Variants in BLTP1 observed in about 807,000 individuals in gnomAD.
The protein encoded by BLTP1 is bridge-like lipid transfer protein family member 1, also known as fragile site-associated protein.
the BLTP1 span, chr4:122,362,603 G>A: frequency 1.2e-5 from 2 of 169,124 alleles, no homozygotes; most frequent in African/African-American, 2.4e-5. Context: ...TGATGATAAT[G>A]TGATTTTGGG....
chr4:122,261,246 C>G, the BLTP1 span: 2 of 974,528 alleles, frequency 2.1e-6, no homozygotes, highest in African/African-American at 3.5e-5. Flanking sequence ...GCTTGGGACA[C>G]TTTAATCTGT....
the BLTP1 span, among the ~76,000 whole-genome samples, chr4:122,330,122 G>A: frequency 2.6e-5 from 4 of 151,504 alleles, no homozygotes; most frequent in Non-Finnish European, 5.9e-5. Flanking sequence ...TAATTCATTT[G>A]TCTGTCAATG....
chr4:122,287,844 C>T, the BLTP1 span: 1,479 of 338,374 alleles, frequency 4.4e-3, 5 homozygotes, highest in Middle Eastern at 0.012. Context: ...TAAAGTGTAT[C>T]CCACTTGTAC....
chr4:122,184,150 A>G, the BLTP1 span, among the ~76,000 whole-genome samples: 1 of 152,214 alleles, frequency 6.6e-6, no homozygotes, highest in African/African-American at 2.4e-5. Context: ...AACAAACTAG[A>G]TAGACTTTAT....
the BLTP1 span, chr4:122,238,180 A>T: frequency 6.2e-7 from 1 of 1,614,078 alleles, no homozygotes; most frequent in Non-Finnish European, 8.5e-7. Flanking sequence ...TTAGTCTTCA[A>T]GTACCATTAC....
At chr4:122,352,796 C>A in the BLTP1 span, 1 of 1,368,242 alleles carries the variant, frequency 7.3e-7, no homozygotes, top group Non-Finnish European at 1.0e-6. Flanking sequence ...ACACTGTTTT[C>A]ATCCCTCACC....
chr4:122,347,299 T>C, the BLTP1 span: 1 of 929,046 alleles, frequency 1.1e-6, no homozygotes, highest in Non-Finnish European at 1.3e-6. Context: ...TTCCCTCACC[T>C]GTAAACTGAG....
the BLTP1 span, chr4:122,247,868 T>G: frequency 1.1e-5 from 11 of 978,436 alleles, no homozygotes; most frequent in African/African-American, 1.7e-5. Context: ...TATTTTTGAT[T>G]CTTATTTAGC....
the BLTP1 span, chr4:122,325,293 T>G: frequency 6.2e-7 from 1 of 1,609,102 alleles, no homozygotes; most frequent in Non-Finnish European, 8.5e-7. Context: ...CTCCTGGACC[T>G]AGAGTAACTT....
the BLTP1 span, chr4:122,243,596 CA>C: frequency 8.1e-6 from 3 of 372,106 alleles, no homozygotes; most frequent in Non-Finnish European, 1.1e-5. Context: ...ACAAAAAATA[CA>C]AAAAAATTAG....
At chr4:122,199,424 A>C in the BLTP1 span, 1 of 1,613,404 alleles carries the variant, frequency 6.2e-7, no homozygotes, top group African/African-American at 1.3e-5. Context: ...GCAATATCGG[A>C]CCCTTTTAGA....
At chr4:122,244,927 T>G in the BLTP1 span, 6 of 1,426,376 alleles carry the variant, frequency 4.2e-6, no homozygotes, top group Non-Finnish European at 5.7e-6. Context: ...TTGTACATAT[T>G]CAGATGGTGC....
chr4:122,188,595 A>G, the BLTP1 span, among the ~76,000 whole-genome samples: 1 of 150,650 alleles, frequency 6.6e-6, no homozygotes, highest in East Asian at 1.9e-4. Flanking sequence ...TCAGTTTTCC[A>G]TCTAGCTTTC....
chr4:122,245,721 G>C, the BLTP1 span, among the ~76,000 whole-genome samples: 1 of 152,072 alleles, frequency 6.6e-6, no homozygotes, highest in Non-Finnish European at 1.5e-5. Context: ...AGATGAAAGT[G>C]AGACTGATTA....
the BLTP1 span, among the ~76,000 whole-genome samples, chr4:122,321,608 A>C: frequency 6.6e-6 from 1 of 152,032 alleles, no homozygotes; most frequent in Admixed American, 6.6e-5. Flanking sequence ...ATTTTGAACA[A>C]ACTTACCTGT....
At chr4:122,331,283 T>C in the BLTP1 span, 7,091 of 1,553,760 alleles carry the variant, frequency 4.6e-3, 571 homozygotes, top group Admixed American at 0.13. Flanking sequence ...TAAAAAGAAC[T>C]CTCATTTTAC....
the BLTP1 span, among the ~76,000 whole-genome samples, chr4:122,203,538 A>T: frequency 1.3e-5 from 2 of 151,806 alleles, no homozygotes; most frequent in Non-Finnish European, 3.0e-5. Context: ...TTTTTAATTC[A>T]TTGTACAAAT....
At chr4:122,296,384 A>G in the BLTP1 span, among the ~76,000 whole-genome samples, 1 of 152,218 alleles carries the variant, frequency 6.6e-6, no homozygotes. Context: ...CTCTTCAAGG[A>G]GAACTACAAA....
chr4:122,209,706 G>T, the BLTP1 span: 1 of 1,357,808 alleles, frequency 7.4e-7, no homozygotes, highest in Non-Finnish European at 1.0e-6. Flanking sequence ...TATATGTGGA[G>T]AAATTCTTCT....
Sources: allele counts gnomAD v4.1 joint callset (sites outside exome capture counted in the v4.1 genomes callset), GRCh38; gene constraint gnomAD v4.1.1; transcripts MANE v1.5; gene names NCBI Gene and HGNC (gene_info 2026-07-23, HGNC 2026-07-21).